MRTFB: variants seen among roughly 807,000 people sequenced by gnomAD.
The protein encoded by MRTFB is myocardin related transcription factor B.
Under a neutral mutation model 104.2 loss-of-function variants are expected in MRTFB, and 29 were observed. The ratio of observed to expected loss-of-function variants is 0.28; its 90% CI spans 0.21 to 0.38. The LOEUF is 0.38. Ranked by LOEUF, MRTFB falls within the 10% of genes least tolerant of loss-of-function variation. The probability of loss-of-function intolerance (pLI) is 1.00; values close to 1 mark genes in which losing one functional copy is unlikely to be tolerated. For synonymous variants in MRTFB, 535 were observed against 519.5 expected (o/e 1.03, Z -0.41); for missense variants, 1,270 against 1,341.6 (o/e 0.95, Z 0.83).
intron 15 of MRTFB, among the ~76,000 whole-genome samples, chr16:14,255,965 T>C (rs2043462352): frequency 6.6e-6 from 1 of 151,600 alleles, no homozygotes; most frequent in South Asian, 2.1e-4. Flanking sequence ...AGACAAAAAT[T>C]AGCCAGGTGT....
At chr16:14,200,774 C>T (rs879149976) in intron 3 of MRTFB, 3 of 1,470,858 alleles carry the variant, frequency 2.0e-6, no homozygotes, top group South Asian at 2.3e-5. Context: ...GTGGGTGATA[C>T]TTGCCTTCAG....
chr16:14,034,661 A>G, the MRTFB span, among the ~76,000 whole-genome samples: 1 of 151,062 alleles, frequency 6.6e-6, no homozygotes, highest in Non-Finnish European at 1.5e-5. Flanking sequence ...GTGTCTTTAC[A>G]TTGTCCTTCC....
At chr16:14,239,972 G>T (rs999324029) in intron 9 of MRTFB, among the ~76,000 whole-genome samples, 1 of 152,216 alleles carries the variant, frequency 6.6e-6, no homozygotes, top group Non-Finnish European at 1.5e-5. Context: ...CCCAAGGTCA[G>T]CGTGCATTGA....
chr16:14,240,982 C>T (rs1488221279), intron 10 of MRTFB: 1 of 510,546 alleles, frequency 2.0e-6, no homozygotes, highest in African/African-American at 2.0e-5. Flanking sequence ...TAAGTAGTGC[C>T]TCTTCATTGG....
intron 8 of MRTFB, among the ~76,000 whole-genome samples, chr16:14,225,326 A>G (rs910719395): frequency 3.3e-5 from 5 of 152,380 alleles, no homozygotes; most frequent in African/African-American, 1.2e-4. Flanking sequence ...ATGGCCACAC[A>G]GTATATAACA....
the MRTFB span, among the ~76,000 whole-genome samples, chr16:14,017,202 G>A: frequency 3.3e-5 from 5 of 151,602 alleles, no homozygotes; most frequent in Non-Finnish European, 5.9e-5. Flanking sequence ...GACTACAGGC[G>A]CCCGCCACCA....
At chr16:14,101,466 A>C (rs1242339406) in intron 2 of MRTFB, among the ~76,000 whole-genome samples, 1 of 152,166 alleles carries the variant, frequency 6.6e-6, no homozygotes, top group Non-Finnish European at 1.5e-5. Flanking sequence ...TAGTTCTTAA[A>C]GTTTATTTTA....
intron 3 of MRTFB, among the ~76,000 whole-genome samples, chr16:14,176,502 T>G (rs2039588535): frequency 6.6e-6 from 1 of 152,224 alleles, no homozygotes; most frequent in South Asian, 2.1e-4. Context: ...CTCCCAAGAA[T>G]GACATAGCAA....
chr16:14,067,018 G>A (rs902937074), upstream of MRTFB, among the ~76,000 whole-genome samples: 26 of 151,928 alleles, frequency 1.7e-4, no homozygotes, highest in Admixed American at 1.0e-3. Context: ...ATAACGCCCC[G>A]TGGTCTTGTT....
chr16:14,013,699 A>G, the MRTFB span, among the ~76,000 whole-genome samples: 1 of 152,224 alleles, frequency 6.6e-6, no homozygotes, highest in African/African-American at 2.4e-5. Context: ...CTGGAAAACT[A>G]TTAATACAAC....
At chr16:14,015,144 T>C in the MRTFB span, among the ~76,000 whole-genome samples, 1 of 152,204 alleles carries the variant, frequency 6.6e-6, no homozygotes, top group East Asian at 1.9e-4. Flanking sequence ...GAAATGTAAG[T>C]GTAAGTGTAT....
chr16:14,162,689 C>A (rs548867493), intron 3 of MRTFB, among the ~76,000 whole-genome samples: 91 of 152,282 alleles, frequency 6.0e-4, no homozygotes, highest in African/African-American at 1.9e-3. Flanking sequence ...AACTACTACT[C>A]TGTGGCGTTA....
intron 12 of MRTFB, chr16:14,248,319 C>G (rs2043110746): frequency 6.6e-6 from 1 of 152,332 alleles, no homozygotes; most frequent in South Asian, 2.1e-4. Context: ...TCTCGTACCC[C>G]TGTGGTTAGG....
chr16:13,998,871 C>CAAAAAAAAAAAA, the MRTFB span, among the ~76,000 whole-genome samples: 2 of 29,688 alleles, frequency 6.7e-5, 1 homozygote, highest in Non-Finnish European at 1.6e-4. Flanking sequence ...GACTCTGTTT[C>CAAAAAAAAAAAA]AAAAAAAAAA....
chr16:14,232,836 A>ATT (rs1375048607), intron 8 of MRTFB, among the ~76,000 whole-genome samples: 1 of 152,224 alleles, frequency 6.6e-6, no homozygotes, highest in Non-Finnish European at 1.5e-5. Flanking sequence ...TTTTCAGGTC[A>ATT]TTTATTTTAA....
chr16:14,149,472 C>G (rs1438041166), intron 3 of MRTFB: 1 of 152,228 alleles, frequency 6.6e-6, no homozygotes, highest in East Asian at 1.9e-4. Flanking sequence ...TGACAGAAGC[C>G]TTGATCCTGA....
chr16:14,250,854 A>G (rs1220996436), intron 13 of MRTFB, among the ~76,000 whole-genome samples: 1 of 152,224 alleles, frequency 6.6e-6, no homozygotes, highest in African/African-American at 2.4e-5. Flanking sequence ...GGGAGAAAGC[A>G]GAGTTGACTG....
At chr16:14,016,242 C>G in the MRTFB span, among the ~76,000 whole-genome samples, 1 of 151,692 alleles carries the variant, frequency 6.6e-6, no homozygotes, top group Non-Finnish European at 1.5e-5. Context: ...TGTGAAAGCT[C>G]TATTTAGAGA....
chr16:14,133,040 G>T (rs552192261), intron 2 of MRTFB, among the ~76,000 whole-genome samples: 102 of 152,312 alleles, frequency 6.7e-4, no homozygotes, highest in African/African-American at 2.3e-3. Flanking sequence ...AATATATCAG[G>T]TATGGGTGAG....
Sources: allele counts gnomAD v4.1 joint callset (sites outside exome capture counted in the v4.1 genomes callset), GRCh38; gene constraint gnomAD v4.1.1; transcripts MANE v1.5; gene names NCBI Gene and HGNC (gene_info 2026-07-23, HGNC 2026-07-21).